Variants in LRP1B observed in about 807,000 individuals in gnomAD.
The protein encoded by LRP1B is LDL receptor related protein 1B.
LRP1B carries 217 observed loss-of-function variants against 556.6 expected under a neutral mutation model. That is an observed-to-expected ratio of 0.39 (90% CI 0.35 to 0.44). The LOEUF (loss-of-function observed/expected upper bound fraction) is 0.44. Ranked by LOEUF, LRP1B falls within the 20% of genes least tolerant of loss-of-function variation. The pLI is 1.00. For synonymous variants in LRP1B, 2,047 were observed against 1,865.8 expected, an observed-to-expected ratio of 1.10 and a Z score of -2.50; for missense variants, 5,053 against 5,620.8, an observed-to-expected ratio of 0.90 and a Z score of 3.23.
intron 37 of LRP1B, 136 bp from the exon 38 acceptor site, chr2:140,702,689 C>T: frequency 2.6e-6 from 2 of 770,104 alleles, no homozygotes; most frequent in Non-Finnish European, 4.1e-6. Context: ...AGTTAATATA[C>T]AGTGTGCTTA....
At chr2:140,936,732 G>A (rs1210285444) in intron 20 of LRP1B, among the ~76,000 whole-genome samples, 1 of 152,018 alleles carries the variant, frequency 6.6e-6, no homozygotes, top group East Asian at 1.9e-4. Context: ...TATTCTAAAA[G>A]CTAGTATTAT....
chr2:141,426,320 G>A (rs1166858566), intron 3 of LRP1B, among the ~76,000 whole-genome samples: 10 of 152,052 alleles, frequency 6.6e-5, no homozygotes, highest in African/African-American at 2.2e-4. Context: ...TTTATTTACT[G>A]TAGCCTTATA....
At chr2:140,657,707 A>G (rs1429623240) in intron 41 of LRP1B, among the ~76,000 whole-genome samples, 1 of 150,646 alleles carries the variant, frequency 6.6e-6, no homozygotes, top group Non-Finnish European at 1.5e-5. Context: ...AATCATCAGT[A>G]AGCTAGAAAT....
At chr2:141,753,672 T>C (rs1694213943) in intron 2 of LRP1B, among the ~76,000 whole-genome samples, 1 of 152,122 alleles carries the variant, frequency 6.6e-6, no homozygotes, top group African/African-American at 2.4e-5. Flanking sequence ...TCAAGTCACT[T>C]CGTTATTGAA....
chr2:141,018,991 G>T (rs537374151), intron 12 of LRP1B, among the ~76,000 whole-genome samples: 16 of 151,992 alleles, frequency 1.1e-4, no homozygotes, highest in Admixed American at 7.9e-4. Flanking sequence ...AAAGTGTAAA[G>T]AAAATCTATT....
chr2:140,580,389 C>G (rs188756545), intron 43 of LRP1B, among the ~76,000 whole-genome samples: 3 of 152,120 alleles, frequency 2.0e-5, no homozygotes, highest in Admixed American at 2.0e-4. Flanking sequence ...ATTAAAAGGC[C>G]CTGTGTTGCC....
intron 55 of LRP1B, among the ~76,000 whole-genome samples, chr2:140,499,303 A>G (rs1316049489): frequency 6.6e-6 from 1 of 151,966 alleles, no homozygotes; most frequent in Non-Finnish European, 1.5e-5. Flanking sequence ...GTCATGTCAC[A>G]AAGTATATAA....
intron 43 of LRP1B, among the ~76,000 whole-genome samples, chr2:140,557,098 A>G (rs1006433378): frequency 7.9e-5 from 12 of 152,140 alleles, no homozygotes; most frequent in African/African-American, 2.7e-4. Flanking sequence ...CTAGTTTTCA[A>G]TCAAATTTAT....
rs561225515 is a variant in LRP1B at position 140,302,903 on chromosome 2, G to T, written c.12806-4934C>A. ...CTTAGTTCTCCGATTTTTAGATTTG[G>T]ACTGAATCACATGACTGCCTTTGCT... On this transcript the variant is annotated intron_variant, in intron 83 of 90. Transcript: ENST00000389484. Among the ~76,000 whole-genome samples the T allele has an allele frequency of 5.6e-4, 84 of 151,348 alleles. 1 individual carries two copies. Among genetic ancestry groups the T allele is most frequent in the African/African-American group, 1.9e-3 (80 of 41,248 alleles).
rs547377286 is a variant in LRP1B, at chr2:141,383,221, G to C, written c.343+97175C>G. On this transcript the variant is annotated intron_variant, in intron 3 of 90. Transcript: ENST00000389484. ...CTATCAGAAAGTCAAAAGATGATAA[G>C]TGTTAATGGAGAAAAATAAACCCTC... is the stretch of plus-strand genomic sequence containing the variant. 7.8e-4 allele frequency among the ~76,000 whole-genome samples: 119 copies of C among 152,246 alleles called. 1 individual carries two copies. The highest frequency in any genetic ancestry group is 1.5e-3 in the Non-Finnish European group (105 of 68,008).
At chr2:141,256,374 A>C (rs1474406778) in intron 3 of LRP1B, among the ~76,000 whole-genome samples, 4 of 146,886 alleles carry the variant, frequency 2.7e-5, no homozygotes, top group African/African-American at 5.1e-5. Flanking sequence ...GATGTAGTTA[A>C]AAAAAAAAAT....
At chr2:141,303,752 G>A (rs1057498019) in intron 3 of LRP1B, among the ~76,000 whole-genome samples, 1 of 152,098 alleles carries the variant, frequency 6.6e-6, no homozygotes, top group Non-Finnish European at 1.5e-5. Flanking sequence ...TCCCTTTGAT[G>A]TATTGATTTC....
At chr2:141,587,704 A>G (rs1021823601) in intron 2 of LRP1B, among the ~76,000 whole-genome samples, 1 of 152,200 alleles carries the variant, frequency 6.6e-6, no homozygotes, top group African/African-American at 2.4e-5. Context: ...TAAAAACATA[A>G]TTACCTTTGA....
intron 84 of LRP1B, among the ~76,000 whole-genome samples, chr2:140,275,368 T>A (rs921214815): frequency 4.6e-5 from 7 of 152,014 alleles, no homozygotes; most frequent in Non-Finnish European, 7.4e-5. Context: ...CAGTTTCTTT[T>A]GTCTTAAGTT....
chr2:141,599,331 T>C (rs1045106118), intron 2 of LRP1B, among the ~76,000 whole-genome samples: 1 of 152,188 alleles, frequency 6.6e-6, no homozygotes, highest in South Asian at 2.1e-4. Flanking sequence ...ATCTATCTCA[T>C]TTCAGATATA....
chr2:140,867,721 T>A lies in LRP1B; in HGVS notation c.4448A>T (p.Tyr1483Phe), dbSNP rs771472518. The A allele has an allele frequency of 6.2e-7, 1 of 1,613,260 alleles. No homozygotes were observed. Among genetic ancestry groups the A allele is most frequent in the South Asian group, 1.1e-5 (1 of 91,016 alleles). ...TGTGTTGGTCCTCCAGTCTGTCCAG[T>A]AGACTTCACTCCCATATAGAGACAC... ...FAVSLYGSEV[Y>F]WTDWRTNTLS... Residue 1483 changes from tyrosine (Y) to phenylalanine (F), a missense_variant, in exon 27 of 91, where the codon TAC (tyrosine) becomes TTC (phenylalanine). By Grantham distance (22) the Tyr-to-Phe change is conservative (BLOSUM62 3). Coordinates refer to ENST00000389484, the MANE Select transcript of LRP1B (RefSeq NM_018557.3).
intron 1 of LRP1B, among the ~76,000 whole-genome samples, chr2:142,100,688 C>T (rs74704574): frequency 0.012 from 1,832 of 152,010 alleles, 41 homozygotes; most frequent in African/African-American, 0.041. Context: ...AAACTGCATA[C>T]CTCTGTAAAT....
At chr2:141,109,503 A>G (rs935433432) in intron 7 of LRP1B, among the ~76,000 whole-genome samples, 1 of 152,174 alleles carries the variant, frequency 6.6e-6, no homozygotes, top group Non-Finnish European at 1.5e-5. Context: ...CTTTCACTTC[A>G]AAATAGGAAT....
In LRP1B at chr2:140,506,885, A is replaced by G. The variant is rs754459945; in HGVS notation, c.8432T>C (p.Met2811Thr). The change falls in exon 53 of 91, where the codon ATG becomes ACG. Residue 2811 changes from methionine (M) to threonine (T), a missense_variant. Coordinates refer to ENST00000389484, the MANE Select transcript of LRP1B (RefSeq NM_018557.3). ...GGGAATGCATACTTTATTATGGCAC[A>G]TGAAAGCATTTTCATCACATGTATT... Reference protein sequence around the residue: ...PNNTCDENAFMCHNKVCIPKQ... With the variant: ...PNNTCDENAFTCHNKVCIPKQ... 1.2e-5 allele frequency: 19 copies of G among 1,613,946 alleles called. No individual in the cohort carries two copies. In the South Asian group the frequency reaches 2.1e-4, roughly 18 times the overall value.
Sources: allele counts gnomAD v4.1 joint callset (sites outside exome capture counted in the v4.1 genomes callset), GRCh38; gene constraint gnomAD v4.1.1; transcripts MANE v1.5; gene names NCBI Gene and HGNC (gene_info 2026-07-23, HGNC 2026-07-21).